MFHAS1: variants seen among roughly 807,000 people sequenced by gnomAD.
MFHAS1 encodes multifunctional ROCO family signaling regulator 1, also known as malignant fibrous histiocytoma-amplified sequence 1.
MFHAS1 carries 50 observed loss-of-function variants against 70.4 expected under a neutral mutation model. The ratio of observed to expected loss-of-function variants is 0.71; its 90% CI spans 0.57 to 0.90. The LOEUF (loss-of-function observed/expected upper bound fraction) is 0.90. Among genes scored for constraint, MFHAS1 ranks in the 40% least tolerant of loss-of-function variants. The probability of loss-of-function intolerance (pLI) is 0.00; values close to 1 mark genes in which losing one functional copy is unlikely to be tolerated. For missense variants in MFHAS1, 1,795 were observed against 1,347.6 expected (o/e 1.33, Z -5.20); for synonymous variants, 952 against 620.0 (o/e 1.54, Z -7.96).
At chr8:8,836,291 C>G (rs149995019) in intron 1 of MFHAS1, among the ~76,000 whole-genome samples, 6 of 152,300 alleles carry the variant, frequency 3.9e-5, no homozygotes, top group African/African-American at 1.4e-4. Context: ...GGTGGCGTCC[C>G]TCTCAAAAAG....
chr8:8,833,455 C>T (rs930811021), intron 1 of MFHAS1, among the ~76,000 whole-genome samples: 1 of 151,822 alleles, frequency 6.6e-6, no homozygotes, highest in Non-Finnish European at 1.5e-5. Flanking sequence ...ACAGGGAGAC[C>T]CCATGTCTAC....
Position 8,892,756 on chromosome 8 carries a change from C to G in MFHAS1, c.303G>C (p.Arg101=), listed in dbSNP as rs1478421471. The G allele has an allele frequency of 1.9e-6, 3 of 1,575,322 alleles. No individual in the cohort carries two copies. The highest frequency in any genetic ancestry group is 2.3e-5 in the South Asian group (2 of 86,288). ...VLVLRRNRFA[R]LPPAVAELGH... ...CGAGCTCGGCCACCGCCGGGGGCAG[C>G]CGGGCGAAGCGGTTCCTGCGCAGGA... Residue 101 remains arginine (R), a synonymous_variant, in exon 1 of 3, where the codon CGG becomes CGC. Transcript: ENST00000276282. The surrounding 1 kb of genome is among the most constrained non-coding windows in gnomAD (Gnocchi z 4.7).
intron 1 of MFHAS1, among the ~76,000 whole-genome samples, chr8:8,845,227 A>C (rs544822402): frequency 3.0e-4 from 46 of 152,350 alleles, no homozygotes; most frequent in African/African-American, 1.0e-3. Flanking sequence ...AAATAATGGT[A>C]GTTTTCTAGG....
In MFHAS1 at chr8:8,893,088, G is replaced by C. The variant is rs1297728518; in HGVS notation, c.-30C>G. ...GGGCCCCGGGCCGACAGCCTCACGC[G>C]GACGCGGGAGCCCGCAGCTACATGC... On this transcript the variant is annotated 5_prime_UTR_variant, in exon 1 of 3. Transcript: ENST00000276282. 2.1e-6 allele frequency: 3 copies of C among 1,419,076 alleles called. No homozygotes were observed. Among genetic ancestry groups the C allele is most frequent in the Non-Finnish European group, 2.8e-6 (3 of 1,088,448 alleles). The allele number at this position is 1,419,076 out of a possible 1,614,324, so 87.9% of individuals were successfully genotyped here. A position where few individuals can be genotyped will look rare whatever the true frequency, so the allele number is the denominator to read the frequency against.
intron 1 of MFHAS1, among the ~76,000 whole-genome samples, chr8:8,888,482 G>A (rs73192219): frequency 0.039 from 5,936 of 151,766 alleles, 161 homozygotes; most frequent in Middle Eastern, 0.065. Context: ...TTGGAATGTT[G>A]TTAACCACCT....
chr8:8,786,460 A>T (rs576332571), intron 2 of MFHAS1, among the ~76,000 whole-genome samples: 1 of 152,222 alleles, frequency 6.6e-6, no homozygotes, highest in Non-Finnish European at 1.5e-5. Flanking sequence ...CTCTAGAAGA[A>T]GGAATATATA....
intron 1 of MFHAS1, among the ~76,000 whole-genome samples, chr8:8,810,341 G>A (rs1806499866): frequency 6.6e-6 from 1 of 152,218 alleles, no homozygotes; most frequent in Non-Finnish European, 1.5e-5. Flanking sequence ...ACTCCAGTAT[G>A]GGCGGCAAAG....
At chr8:8,831,892 G>T (rs996756019) in intron 1 of MFHAS1, among the ~76,000 whole-genome samples, 1 of 152,142 alleles carries the variant, frequency 6.6e-6, no homozygotes, top group African/African-American at 2.4e-5. Flanking sequence ...GATTACAGGT[G>T]TGAGCTACCG....
At chr8:8,806,426 A>G (rs983027305) in intron 1 of MFHAS1, among the ~76,000 whole-genome samples, 1 of 152,170 alleles carries the variant, frequency 6.6e-6, no homozygotes, top group Non-Finnish European at 1.5e-5. Context: ...TATTTGGAGA[A>G]ATTTCCCCAG....
intron 1 of MFHAS1, among the ~76,000 whole-genome samples, chr8:8,835,011 T>C (rs1807545817): frequency 6.6e-6 from 1 of 152,186 alleles, no homozygotes; most frequent in African/African-American, 2.4e-5. Flanking sequence ...CTAAAGGCAC[T>C]GTGAACCAAG....
At chr8:8,796,305 T>C (rs1227531201) in intron 2 of MFHAS1, among the ~76,000 whole-genome samples, 1 of 152,214 alleles carries the variant, frequency 6.6e-6, no homozygotes, top group African/African-American at 2.4e-5. Flanking sequence ...GAAAACGGCC[T>C]ATTACTGACT....
Position 8,892,283 on chromosome 8 carries a change from T to C in MFHAS1, c.776A>G (p.Asn259Ser), listed in dbSNP as rs1810091928. ...GGCGGGCAGAGCCTGCAGCCCGTTGTTGTCTAGCATGAGGCTCTCCAAACT... is the reference window on the plus strand; with the variant it reads ...GGCGGGCAGAGCCTGCAGCCCGTTGCTGTCTAGCATGAGGCTCTCCAAACT... ...LASLESLMLD[N>S]NGLQALPAQF... The change falls in exon 1 of 3, where the codon AAC becomes AGC. Residue 259 changes from asparagine to serine, a missense_variant. By Grantham distance (46) the Asn-to-Ser change is conservative. Transcript: ENST00000276282. This position sits in a 1 kb window ranked among gnomAD's most constrained non-coding sequence, Gnocchi z 4.7. 3.7e-6 allele frequency: 6 copies of C among 1,612,478 alleles called. No homozygotes were observed. The highest frequency in any genetic ancestry group is 5.1e-6 in the Non-Finnish European group (6 of 1,180,026).
At chr8:8,863,618 G>T (rs564451765) in intron 1 of MFHAS1, among the ~76,000 whole-genome samples, 1 of 152,180 alleles carries the variant, frequency 6.6e-6, no homozygotes, top group Non-Finnish European at 1.5e-5. Flanking sequence ...TCTAACCTCT[G>T]TTTTGACCAT....
At chr8:8,811,213 T>C (rs182008690) in intron 1 of MFHAS1, among the ~76,000 whole-genome samples, 1 of 152,202 alleles carries the variant, frequency 6.6e-6, no homozygotes, top group East Asian at 1.9e-4. Flanking sequence ...ACAGCATCTA[T>C]GATGACGGGA....
At chr8:8,851,945 T>C (rs1211269452) in intron 1 of MFHAS1, among the ~76,000 whole-genome samples, 2 of 152,172 alleles carry the variant, frequency 1.3e-5, no homozygotes, top group Non-Finnish European at 2.9e-5. Context: ...AGCTTAAGTG[T>C]AAATCTGAGG....
chr8:8,785,443 T>C lies in MFHAS1; in HGVS notation c.*579A>G, dbSNP rs1243880401. 6.6e-6 allele frequency: 1 copy of C among 152,592 alleles called. No homozygotes were observed. Among genetic ancestry groups the C allele is most frequent in the African/African-American group, 2.4e-5 (1 of 41,398 alleles). 9.5% of individuals were successfully genotyped at this position (152,592 alleles called of 1,614,324 possible). On this transcript the variant is annotated 3_prime_UTR_variant, in exon 3 of 3. Transcript: ENST00000276282. The stretch of plus-strand genomic sequence containing the variant: ...ATAAAGAAAAAACAAAAAAGTCTTA[T>C]ACTAAAATAAGAAATCAGCCCCATC...
chr8:8,876,127 C>A (rs542501436), intron 1 of MFHAS1, among the ~76,000 whole-genome samples: 1 of 152,288 alleles, frequency 6.6e-6, no homozygotes, highest in African/African-American at 2.4e-5. Flanking sequence ...ACATATAACT[C>A]AATCTTCAGA....
intron 1 of MFHAS1, among the ~76,000 whole-genome samples, chr8:8,800,032 C>T (rs1258483647): frequency 3.3e-5 from 5 of 152,180 alleles, no homozygotes; most frequent in Admixed American, 3.3e-4. Context: ...TTACTCTTTG[C>T]CCCCAGGCTA....
chr8:8,878,796 G>T (rs1220326976), intron 1 of MFHAS1, among the ~76,000 whole-genome samples: 5 of 152,040 alleles, frequency 3.3e-5, no homozygotes, highest in Admixed American at 1.3e-4. Context: ...TAATAGCATA[G>T]ACTTCATTTT....
Sources: gnomAD v4.1 joint callset for allele counts (sites outside exome capture counted in the v4.1 genomes callset) on GRCh38, gnomAD v4.1.1 for gene constraint, Gnocchi (gnomAD v3.1) non-coding constraint, MANE v1.5 for transcripts, NCBI Gene and HGNC (gene_info 2026-07-23, HGNC 2026-07-21) for gene names.